SLC4A11: variants seen among roughly 807,000 people sequenced by gnomAD.
SLC4A11 encodes the protein bicarbonate transporter related protein 1.
In SLC4A11, 74 loss-of-function variants were observed where a neutral mutation model predicts 95.0. That is an observed-to-expected ratio of 0.78 (90% CI 0.65 to 0.95). The LOEUF is 0.95. SLC4A11 is among the 40% of genes least tolerant of loss of function. The pLI is 0.00. For missense variants in SLC4A11, 1,081 were observed against 1,192.4 expected, an observed-to-expected ratio of 0.91 and a Z score of 1.38; for synonymous variants, 548 against 519.0, an observed-to-expected ratio of 1.06 and a Z score of -0.76.
Position 3,231,576 on chromosome 20 carries a change from T to TGTGG in SLC4A11, c.730-29_730-28insCCAC, listed in dbSNP as rs147477986. 2 of 1,607,956 alleles carry TGTGG rather than the reference T, an allele frequency of 1.2e-6. No homozygotes were observed. The highest frequency in any genetic ancestry group is 1.7e-6 in the Non-Finnish European group (2 of 1,175,376). On this transcript the variant is annotated intron_variant, in intron 7 of 19. Transcript: ENST00000642402. The surrounding 1 kb of genome is among the most constrained non-coding windows in gnomAD (Gnocchi z 5.2). ...AGGGGTGGAGGATGGGAGTCACCCCTAGAAACAGAGGAGGCCCTGCCCGGG... is the reference window on the plus strand; with the variant it reads ...AGGGGTGGAGGATGGGAGTCACCCCTGTGGAGAAACAGAGGAGGCCCTGCCCGGG...
Position 3,229,182 on chromosome 20 carries a change from C to T in SLC4A11, c.1931G>A (p.Gly644Asp). Residue 644 changes from glycine to aspartate, a missense_variant, in exon 16 of 20, where the codon GGT becomes GAT. Transcript: ENST00000642402. ...IQSLSLRAVS[G>D]AMGLGFLLSM... ...CAGCAGGAAGCCGAGGCCCATGGCACCGCTGACGGCCCTCAGGGACAGCGA... is the reference window on the plus strand; with the variant it reads ...CAGCAGGAAGCCGAGGCCCATGGCATCGCTGACGGCCCTCAGGGACAGCGA... 6.2e-7 allele frequency: 1 copy of T among 1,612,534 alleles called. No individual in the cohort carries two copies. The highest frequency in any genetic ancestry group is 1.3e-5 in the African/African-American group (1 of 75,024).
rs763887006 is a variant in SLC4A11, at chr20:3,231,073, T to TG, written c.1043-16dup. On this transcript the variant is annotated splice_polypyrimidine_tract_variant and intron_variant, in intron 9 of 19. Transcript: ENST00000642402. This position sits in a 1 kb window ranked among gnomAD's most constrained non-coding sequence, Gnocchi z 5.2. ...CCCAATAATGCCTAGGAATGGGGGA[T>TG]GGGAGAGAGGGTTTGCTGGGGATGC... The TG allele has an allele frequency of 1.1e-5, 17 of 1,606,566 alleles. No homozygotes were observed. Among genetic ancestry groups the TG allele is most frequent in the East Asian group, 2.2e-5 (1 of 44,870 alleles).
At chr20:3,236,382 CTGGCTAACAA>C (rs1375092000) in intron 2 of SLC4A11, among the ~76,000 whole-genome samples, 1 of 152,164 alleles carries the variant, frequency 6.6e-6, no homozygotes, top group Non-Finnish European at 1.5e-5. Flanking sequence ...CGAGACCATC[CTGGCTAACAA>C]TGGCTAACAT....
In SLC4A11 at chr20:3,230,813, C is replaced by G. The variant is rs1233324021; in HGVS notation, c.1201G>C (p.Gly401Arg). The part of the protein sequence containing the change: ...VQKTIAGQSI[G>R]GLLYALFSGQ... ...GAGAAGAGCGCGTAGAGCAGGCCCC[C>G]GATGCTCTGCCCGGCTATGGTCTTC... The change falls in exon 11 of 20, where the codon GGG becomes CGG. Residue 401 changes from glycine (G) to arginine (R), a missense_variant. Gly to Arg is a moderately radical substitution (Grantham distance 125). Transcript: ENST00000642402. 1 of 1,613,196 alleles carries G rather than the reference C, an allele frequency of 6.2e-7. No individual in the cohort carries two copies.
At chr20:3,228,766 C>T (rs572977141) in intron 17 of SLC4A11, 59 bp from the exon 18 acceptor site, 4 of 1,612,576 alleles carry the variant, frequency 2.5e-6, no homozygotes, top group Non-Finnish European at 3.4e-6. Flanking sequence ...GGCCTCACTC[C>T]TCCCTATGTC....
At position 3,228,725 on chromosome 20, in the gene SLC4A11, G is replaced by A. The variant is rs2281575; in HGVS notation, c.2193-18C>T. ...TCACAATCCTGCGGTGGCCCGAGCC[G>A]CGAGTGTCACCTCTGCGCCCCTGTC... On this transcript the variant is annotated intron_variant, in intron 17 of 19. Coordinates refer to ENST00000642402, the MANE Select transcript of SLC4A11 (RefSeq NM_001174089.2). 709,598 of 1,611,638 alleles carry A rather than the reference G, an allele frequency of 0.44. 159,860 individuals are homozygous for A. The highest frequency in any genetic ancestry group is 0.71 in the East Asian group (31,696 of 44,814).
rs370126765 is a variant in SLC4A11 at position 3,234,262 on chromosome 20, T to A, written c.344A>T (p.Asp115Val). Reference protein sequence around the residue: ...KEEIRAHRDLDGFLAQASIVL... With the variant: ...KEEIRAHRDLVGFLAQASIVL... ...GATGCTGGCCTGCGCCAGGAAGCCA[T>A]CTAGGTCGCGGTGCGCACGGATCTC... The change falls in exon 5 of 20, where the codon GAT (aspartate) becomes GTT (valine). Residue 115 changes from aspartate to valine, a missense_variant. Asp to Val is a radical substitution (Grantham distance 152). This residue lies in a region of SLC4A11 where 310 missense variants were observed against 313.5 expected (regional missense o/e 0.99). Transcript: ENST00000642402. This position sits in a 1 kb window ranked among gnomAD's most constrained non-coding sequence, Gnocchi z 5.8. 48 of 1,613,882 alleles carry A rather than the reference T, an allele frequency of 3.0e-5. No individual in the cohort carries two copies. The highest frequency in any genetic ancestry group is 3.7e-5 in the Non-Finnish European group (44 of 1,180,006).
At position 3,234,395 on chromosome 20, in the gene SLC4A11, C is replaced by T. The variant is rs960516162; in HGVS notation, c.292-81G>A. ...GCCTGGTCCCTCCCTCCCAGCCAGC[C>T]GCAGCAGTCCAGCCCCCAGCCCCCA... is the stretch of plus-strand genomic sequence containing the variant. On this transcript the variant is annotated intron_variant, in intron 4 of 19. Coordinates refer to ENST00000642402, the MANE Select transcript of SLC4A11 (RefSeq NM_001174089.2). This position sits in a 1 kb window ranked among gnomAD's most constrained non-coding sequence, Gnocchi z 5.8. The T allele has an allele frequency of 5.7e-5, 78 of 1,362,754 alleles. No homozygotes were observed. The highest frequency in any genetic ancestry group is 7.5e-5 in the Non-Finnish European group (73 of 972,564). 84.4% of individuals were successfully genotyped at this position (1,362,754 alleles called of 1,614,324 possible).
rs1053388377 is a variant in SLC4A11, at chr20:3,239,147, G to T, written c.-10C>A. 1.4e-5 allele frequency: 21 copies of T among 1,465,828 alleles called. No individual in the cohort carries two copies. The African/African-American group carries it at 2.8e-4, about 19-fold the overall frequency. 90.8% of individuals were successfully genotyped at this position (1,465,828 alleles called of 1,614,324 possible). A position where few individuals can be genotyped will look rare whatever the true frequency, so the allele number is the denominator to read the frequency against. On this transcript the variant is annotated 5_prime_UTR_variant, in exon 1 of 20. Coordinates refer to ENST00000642402, the MANE Select transcript of SLC4A11 (RefSeq NM_001174089.2). ...TGGTGGCCGCGGCCATGGCACACTCGCGCACTCACGGCCGGGCTCCTCACG... is the reference window on the plus strand; with the variant it reads ...TGGTGGCCGCGGCCATGGCACACTCTCGCACTCACGGCCGGGCTCCTCACG...
Position 3,237,649 on chromosome 20 carries a change from A to G in SLC4A11, c.44-61T>C, listed in dbSNP as rs762810112. Reference sequence around the variant, plus strand: ...ACCAAGCCCTGGACCTCCTGTGTGCACCTGTCTCCCCGCCCCCCGACCTGG... The same window carrying G: ...ACCAAGCCCTGGACCTCCTGTGTGCGCCTGTCTCCCCGCCCCCCGACCTGG... On this transcript the variant is annotated intron_variant, in intron 1 of 19. Transcript: ENST00000642402. 2.1e-5 allele frequency: 34 copies of G among 1,613,818 alleles called. No homozygotes were observed. The African/African-American group carries it at 3.1e-4, about 15-fold the overall frequency.
chr20:3,230,678 C>A, intron 11 of SLC4A11, 31 bp from the exon 12 acceptor site: 1 of 1,613,030 alleles, frequency 6.2e-7, no homozygotes, highest in Non-Finnish European at 8.5e-7. Context: ...GGGTCAGGGC[C>A]CGGCAGGAAC....
chr20:3,236,457 C>A (rs188838625), intron 2 of SLC4A11, among the ~76,000 whole-genome samples: 1 of 152,040 alleles, frequency 6.6e-6, no homozygotes, highest in Non-Finnish European at 1.5e-5. Flanking sequence ...GGTGTGGTGG[C>A]GGGCGCCTGT....
In SLC4A11 at chr20:3,231,150, A is replaced by G. The variant is rs199570969; in HGVS notation, c.1041T>C (p.Asp347=). The change falls in exon 9 of 20, where the codon GAT becomes GAC. Residue 347 remains aspartate, a splice_region_variant and synonymous_variant. Transcript: ENST00000642402. The surrounding 1 kb of genome is among the most constrained non-coding windows in gnomAD (Gnocchi z 5.2). ...GCCTGGAAAGCAGAGGCCACGTACCATCAGTGAAGTCCAAGGGGTACAAGG... is the reference window on the plus strand; with the variant it reads ...GCCTGGAAAGCAGAGGCCACGTACCGTCAGTGAAGTCCAAGGGGTACAAGG... ...RFPLYPLDFT[D]GIIGKNKAVG... The G allele has an allele frequency of 4.0e-5, 64 of 1,614,160 alleles. 1 individual carries two copies. In the Middle Eastern group the frequency reaches 9.9e-4, roughly 25 times the overall value.
In SLC4A11 at chr20:3,238,949, C is replaced by T. The variant is rs115558516; in HGVS notation, c.43+146G>A. The stretch of plus-strand genomic sequence containing the variant: ...TCCCGCACCCGCGCCCTCCTCCCCG[C>T]GGCTGGGAATCCCGCAGCCCTCTCG... On this transcript the variant is annotated intron_variant, in intron 1 of 19. Coordinates refer to ENST00000642402, the MANE Select transcript of SLC4A11 (RefSeq NM_001174089.2). 3.5e-3 allele frequency: 4,430 copies of T among 1,261,484 alleles called. 130 individuals are homozygous for T. The African/African-American group carries it at 0.064, about 18-fold the overall frequency. The allele number at this position is 1,261,484 out of a possible 1,614,324, so 78.1% of individuals were successfully genotyped here.
At chr20:3,239,033 C>T (rs2068075561) in intron 1 of SLC4A11, 62 bp downstream of exon 1, 2 of 1,452,274 alleles carry the variant, frequency 1.4e-6, no homozygotes, top group Non-Finnish European at 1.8e-6. Flanking sequence ...GGGTCCCCGA[C>T]GGGAGACGGT....
chr20:3,229,382 A>G lies in SLC4A11; in HGVS notation c.1813T>C (p.Ser605Pro). ...CGGAAGCCATGGGAGCTGATGAGGG[A>G]GAAGGCGAGCACCGCGATGGGCAGG... ...CALPIAVLAFSLISSHGFREI... is the reference protein window; with the variant it reads ...CALPIAVLAFPLISSHGFREI... The change falls in exon 15 of 20, where the codon TCC (serine) becomes CCC (proline). Residue 605 changes from serine (S) to proline (P), a missense_variant. By Grantham distance (74) the Ser-to-Pro change is moderately conservative. Coordinates refer to ENST00000642402, the MANE Select transcript of SLC4A11 (RefSeq NM_001174089.2). 6.2e-7 allele frequency: 1 copy of G among 1,613,356 alleles called. No individual in the cohort carries two copies. Among genetic ancestry groups the G allele is most frequent in the Non-Finnish European group, 8.5e-7 (1 of 1,180,016 alleles).
At chr20:3,235,517 C>A (rs1184923464) in intron 2 of SLC4A11, among the ~76,000 whole-genome samples, 1 of 152,108 alleles carries the variant, frequency 6.6e-6, no homozygotes, top group African/African-American at 2.4e-5. Context: ...GACCCCAAGG[C>A]CTCATGTCAG....
At chr20:3,239,483 G>A (rs2068087665), upstream of SLC4A11, 1 of 1,013,294 alleles carries the variant, frequency 9.9e-7, no homozygotes, top group Non-Finnish European at 1.2e-6. Context: ...TTAGGGGCTG[G>A]ACGGGGCCGG....
rs2067571040 is a variant in SLC4A11 at position 3,227,518 on chromosome 20, A to G, written c.*269T>C. The G allele has an allele frequency of 3.8e-6, 2 of 525,424 alleles. No individual in the cohort carries two copies. Among genetic ancestry groups the G allele is most frequent in the South Asian group, 2.2e-5 (1 of 45,364 alleles). 32.5% of individuals were successfully genotyped at this position (525,424 alleles called of 1,614,324 possible). A position where few individuals can be genotyped will look rare whatever the true frequency, so the allele number is the denominator to read the frequency against. ...TCTTTCAGGCATCGACTCTTTTATC[A>G]AAAGAAAATCCATCCTGCTCAGTCC... On this transcript the variant is annotated 3_prime_UTR_variant, in exon 20 of 20. Transcript: ENST00000642402.
Sources: gnomAD v4.1 joint callset for allele counts (sites outside exome capture counted in the v4.1 genomes callset) on GRCh38, gnomAD v4.1.1 for gene constraint, gnomAD v4.1.1 regional missense constraint, Gnocchi (gnomAD v3.1) non-coding constraint, MANE v1.5 for transcripts, NCBI Gene and HGNC (gene_info 2026-07-23, HGNC 2026-07-21) for gene names.